ABCC8: variants seen among roughly 807,000 people sequenced by gnomAD.
The protein encoded by ABCC8 is ATP binding cassette subfamily C member 8, also known as ATP-binding cassette sub-family C member 8.
ABCC8 carries 137 observed loss-of-function variants against 188.0 expected under a neutral mutation model. That is an observed-to-expected ratio of 0.73 (90% CI 0.63 to 0.84). The LOEUF (loss-of-function observed/expected upper bound fraction) is 0.84. Among genes scored for constraint, ABCC8 ranks in the 40% least tolerant of loss-of-function variants. The pLI is 0.00. For missense variants in ABCC8, 1,750 were observed against 2,072.7 expected (o/e 0.84, Z 3.02); for synonymous variants, 797 against 846.5 (o/e 0.94, Z 1.01).
intron 34 of ABCC8, 65 bp from the exon 35 acceptor site, chr11:17,395,783 C>T (rs925743287): frequency 1.2e-5 from 18 of 1,553,024 alleles, no homozygotes; most frequent in Non-Finnish European, 1.5e-5. Flanking sequence ...TCATGTCTGA[C>T]CACGTGCCAG....
intron 19 of ABCC8, 92 bp downstream of exon 19, chr11:17,414,420 T>G (rs1954963942): frequency 1.3e-6 from 2 of 1,532,902 alleles, no homozygotes; most frequent in Non-Finnish European, 1.8e-6. Context: ...TGGCTGGGTG[T>G]GGGTGATCGA....
At chr11:17,466,763 TC>T (rs959721588) in intron 3 of ABCC8, among the ~76,000 whole-genome samples, 4 of 144,672 alleles carry the variant, frequency 2.8e-5, no homozygotes, top group Admixed American at 1.4e-4. Context: ...CTCCTCAGCC[TC>T]CCATGATACT....
intron 3 of ABCC8, among the ~76,000 whole-genome samples, chr11:17,465,828 G>A (rs1254527499): frequency 2.0e-5 from 3 of 152,044 alleles, no homozygotes; most frequent in Non-Finnish European, 4.4e-5. Context: ...CTTCTCATTG[G>A]TTTCCACACT....
intron 29 of ABCC8, among the ~76,000 whole-genome samples, chr11:17,399,296 A>AC (rs1564881953): frequency 3.4e-5 from 5 of 148,858 alleles, no homozygotes; most frequent in African/African-American, 1.3e-4. Flanking sequence ...AAAAAAAAAA[A>AC]AAAAAAAACA....
rs1054246335 is a variant in ABCC8, at chr11:17,412,953, T to G, written c.2476-207A>C. On this transcript the variant is annotated intron_variant, in intron 20 of 38. Transcript: ENST00000389817. ...GCATGAGCCCCAAGTCTTTAAAGAT[T>G]CATTGTGTAGGCGCTAGGGACCATC... The G allele has an allele frequency of 3.5e-6, 4 of 1,146,152 alleles. No homozygotes were observed. In the South Asian group the frequency reaches 6.3e-5, roughly 18 times the overall value. The allele number at this position is 1,146,152 out of a possible 1,614,324, so 71.0% of individuals were successfully genotyped here. A position where few individuals can be genotyped will look rare whatever the true frequency, so the allele number is the denominator to read the frequency against.
At chr11:17,413,143 G>C (rs1367382423) in intron 20 of ABCC8, among the ~76,000 whole-genome samples, 2 of 152,204 alleles carry the variant, frequency 1.3e-5, no homozygotes, top group Non-Finnish European at 2.9e-5. Flanking sequence ...TGGGCTCTCA[G>C]TGTATACCTG....
intron 7 of ABCC8, among the ~76,000 whole-genome samples, chr11:17,451,977 G>A (rs1956833217): frequency 6.6e-6 from 1 of 152,214 alleles, no homozygotes; most frequent in Admixed American, 6.5e-5. Context: ...GGAGACAAAA[G>A]TCACAAAAGA....
intron 2 of ABCC8, among the ~76,000 whole-genome samples, chr11:17,474,241 A>C (rs1848634560): frequency 6.6e-6 from 1 of 152,226 alleles, no homozygotes; most frequent in Non-Finnish European, 1.5e-5. Flanking sequence ...TGTTTATCAC[A>C]TGCCTTGCAC....
intron 22 of ABCC8, 73 bp from the exon 23 acceptor site, chr11:17,408,590 A>T (rs1954652343): frequency 1.3e-6 from 2 of 1,553,516 alleles, no homozygotes. Context: ...TCAATTGTGG[A>T]GTCTAAGATG....
intron 6 of ABCC8, among the ~76,000 whole-genome samples, chr11:17,454,419 G>A (rs996840012): frequency 6.6e-6 from 1 of 152,140 alleles, no homozygotes; most frequent in East Asian, 1.9e-4. Flanking sequence ...GTGGCAGCAG[G>A]AAGCAGCCAC....
Position 17,407,034 on chromosome 11 carries a change from A to G in ABCC8, c.3016T>C (p.Ser1006Pro). 6.2e-7 allele frequency: 1 copy of G among 1,614,160 alleles called. No individual in the cohort carries two copies. Among genetic ancestry groups the G allele is most frequent in the Non-Finnish European group, 8.5e-7 (1 of 1,180,032 alleles). The change falls in exon 25 of 39, where the codon TCC becomes CCC. Residue 1006 changes from serine to proline, a missense_variant. Coordinates refer to ENST00000389817, the MANE Select transcript of ABCC8 (RefSeq NM_000352.6). ...AACGACAGGAGCAGGATGCCGGCGG[A>G]GGACAGGTACTTGGCGCAGGCTCGC... ...PWRACAKYLS[S>P]AGILLLSLLV... is the part of the protein sequence containing the mutation.
chr11:17,405,639 T>C, intron 26 of ABCC8, 76 bp from the exon 27 acceptor site: 1 of 1,611,096 alleles, frequency 6.2e-7, no homozygotes, highest in Non-Finnish European at 8.5e-7. Context: ...GATAGTTAAT[T>C]ATTTCATGTA....
intron 22 of ABCC8, chr11:17,410,165 C>G (rs1308674090): frequency 4.5e-6 from 1 of 224,658 alleles, no homozygotes; most frequent in African/African-American, 2.2e-5. Context: ...GCTTTTCCAT[C>G]CAAATGGGCA....
chr11:17,440,954 G>A (rs976651029), intron 10 of ABCC8, among the ~76,000 whole-genome samples: 3 of 152,264 alleles, frequency 2.0e-5, no homozygotes, highest in South Asian at 2.1e-4. Flanking sequence ...CCAAGAATAC[G>A]CAGATGACCT....
chr11:17,397,523 T>C (rs1591716191), intron 31 of ABCC8, 161 bp downstream of exon 31: 1 of 1,408,336 alleles, frequency 7.1e-7, no homozygotes, highest in Non-Finnish European at 9.7e-7. Flanking sequence ...GCCTGGGCCC[T>C]GGGGCCTGCT....
chr11:17,413,043 G>A (rs1954891386), intron 20 of ABCC8: 2 of 634,942 alleles, frequency 3.1e-6, no homozygotes, highest in African/African-American at 1.8e-5. Context: ...GACAGTCACA[G>A]GAGAATCCTG....
intron 4 of ABCC8, 138 bp downstream of exon 4, chr11:17,463,300 C>A: frequency 1.4e-6 from 1 of 738,338 alleles, no homozygotes; most frequent in Non-Finnish European, 2.3e-6. Context: ...CGGCCCCACT[C>A]CCCTTTACAC....
At chr11:17,449,467 G>A (rs755665149) in intron 7 of ABCC8, among the ~76,000 whole-genome samples, 2 of 152,208 alleles carry the variant, frequency 1.3e-5, no homozygotes, top group South Asian at 2.1e-4. Context: ...GACCGCGTGA[G>A]TCAGTCAGCC....
intron 6 of ABCC8, among the ~76,000 whole-genome samples, chr11:17,456,723 C>A (rs1237916998): frequency 6.6e-6 from 1 of 152,210 alleles, no homozygotes; most frequent in Non-Finnish European, 1.5e-5. Context: ...AGTTCCTCAA[C>A]CTCTCTTAGC....
Sources: gnomAD v4.1 joint callset for allele counts (sites outside exome capture counted in the v4.1 genomes callset) on GRCh38, gnomAD v4.1.1 for gene constraint, MANE v1.5 for transcripts, NCBI Gene and HGNC (gene_info 2026-07-23, HGNC 2026-07-21) for gene names.